The following LSM14B variants were observed in gnomAD, a reference collection of about 807,000 sequenced individuals.
LSM14B encodes LSM family member 14B.
Under a neutral mutation model 42.1 loss-of-function variants are expected in LSM14B, and 8 were observed. The ratio of observed to expected loss-of-function variants is 0.19; its 90% CI spans 0.11 to 0.34. The LOEUF is 0.34. LSM14B is among the 10% of genes least tolerant of loss of function. The probability of loss-of-function intolerance (pLI) is 1.00; values close to 1 mark genes in which losing one functional copy is unlikely to be tolerated. For missense variants in LSM14B, 396 were observed against 513.1 expected, an observed-to-expected ratio of 0.77 and a Z score of 2.21; for synonymous variants, 219 against 209.7, an observed-to-expected ratio of 1.04 and a Z score of -0.38.
chr20:62,128,901 T>C (rs2056683185), intron 3 of LSM14B: 1 of 1,254,098 alleles, frequency 8.0e-7, no homozygotes, highest in Non-Finnish European at 1.1e-6. Flanking sequence ...GCTGTTCGTC[T>C]AATAATAATT....
At chr20:62,126,617 C>T (rs1167277407) in intron 3 of LSM14B, among the ~76,000 whole-genome samples, 178 bp downstream of exon 3, 2 of 152,246 alleles carry the variant, frequency 1.3e-5, no homozygotes, top group Non-Finnish European at 2.9e-5. Flanking sequence ...TTAGTAACTA[C>T]TCAACTGAAA....
At chr20:62,133,499 G>A (rs746198355) in intron 8 of LSM14B, 24 bp downstream of exon 8, 11 of 1,599,928 alleles carry the variant, frequency 6.9e-6, no homozygotes, top group South Asian at 6.6e-5. Flanking sequence ...CCTTCTGGAC[G>A]CTTTGGTGGG....
chr20:62,129,010 G>A, intron 3 of LSM14B: 1 of 1,303,340 alleles, frequency 7.7e-7, no homozygotes, highest in Non-Finnish European at 1.0e-6. Flanking sequence ...CTGGAACCTT[G>A]GAAAGGGAGG....
chr20:62,129,701 T>C (rs1223844140), intron 3 of LSM14B, 84 bp from the exon 4 acceptor site: 2 of 1,394,710 alleles, frequency 1.4e-6, no homozygotes, highest in Admixed American at 2.6e-5. Context: ...CTTCCTGACA[T>C]GCCAGCAGAA....
At chr20:62,127,852 CTGAT>C in intron 3 of LSM14B, 1 of 722,584 alleles carries the variant, frequency 1.4e-6, no homozygotes, top group Non-Finnish European at 2.6e-6. Context: ...GCATGTAGTC[CTGAT>C]TGATGAACTC....
intron 8 of LSM14B, among the ~76,000 whole-genome samples, chr20:62,133,683 G>T (rs1016680568): frequency 5.3e-5 from 8 of 152,232 alleles, no homozygotes; most frequent in African/African-American, 1.9e-4. Context: ...TAGGATCCAG[G>T]CCCCAGCATC....
chr20:62,128,750 C>T (rs2056677731), intron 3 of LSM14B, among the ~76,000 whole-genome samples: 1 of 152,216 alleles, frequency 6.6e-6, no homozygotes, highest in Admixed American at 6.5e-5. Context: ...CTTTCCAGAC[C>T]TCTATGCAGA....
At chr20:62,133,985 G>A (rs1338772871) in intron 8 of LSM14B, among the ~76,000 whole-genome samples, 178 bp from the exon 9 acceptor site, 2 of 152,244 alleles carry the variant, frequency 1.3e-5, no homozygotes, top group African/African-American at 4.8e-5. Flanking sequence ...GCCACTAGCT[G>A]CGTCCCTGTC....
chr20:62,127,857 T>C, intron 3 of LSM14B: 1 of 720,470 alleles, frequency 1.4e-6, no homozygotes. Context: ...TAGTCCTGAT[T>C]GATGAACTCT....
intron 3 of LSM14B, chr20:62,127,516 C>A: frequency 1.8e-6 from 2 of 1,122,786 alleles, no homozygotes; most frequent in South Asian, 1.3e-5. Flanking sequence ...GCTTGCTAGA[C>A]ACAAGACAAG....
At chr20:62,132,746 A>AGGAGTGCTGGGTG (rs917414721) in intron 7 of LSM14B, among the ~76,000 whole-genome samples, 2 of 152,082 alleles carry the variant, frequency 1.3e-5, no homozygotes, top group Non-Finnish European at 2.9e-5. Flanking sequence ...CTGCGTCGGT[A>AGGAGTGCTGGGTG]GGAGTGCTGG....
chr20:62,128,170 C>T, intron 3 of LSM14B: 1 of 335,504 alleles, frequency 3.0e-6, no homozygotes. Context: ...GCCAGGTGGA[C>T]AGTATCAGCC....
rs2145652650 is a variant in LSM14B, at chr20:62,134,454, G to T, written c.*306G>T. On this transcript the variant is annotated 3_prime_UTR_variant, in exon 9 of 9. Coordinates refer to ENST00000279068, the MANE Select transcript of LSM14B (RefSeq NM_144703.3). ...TTGCAAAAAGGTTTCTATAGTGAAA[G>T]CTGAATCCTTACTTTGTGACTTTTT... 3.8e-6 allele frequency: 1 copy of T among 262,362 alleles called. No individual in the cohort carries two copies. The highest frequency in any genetic ancestry group is 7.9e-6 in the Non-Finnish European group (1 of 127,056). The allele number at this position is 262,362 out of a possible 1,614,324, so 16.3% of individuals were successfully genotyped here.
At chr20:62,124,833 T>C (rs1172519194) in intron 2 of LSM14B, 53 bp downstream of exon 2, 1 of 1,546,972 alleles carries the variant, frequency 6.5e-7, no homozygotes, top group African/African-American at 1.4e-5. Flanking sequence ...TGGTTTCCAT[T>C]TGGAGCTTGG....
Position 62,130,193 on chromosome 20 carries a change from C to G in LSM14B, c.596-26C>G. ...GCTTCCGGCTGCTATAGGAGCTTTGCCTTACTCTTCCCTTTTGCGCCGTAG... is the reference window on the plus strand; with the variant it reads ...GCTTCCGGCTGCTATAGGAGCTTTGGCTTACTCTTCCCTTTTGCGCCGTAG... On this transcript the variant is annotated intron_variant, in intron 4 of 8. Transcript: ENST00000279068. This position sits in a 1 kb window ranked among gnomAD's most constrained non-coding sequence, Gnocchi z 4.1. 1 of 1,574,504 alleles carries G rather than the reference C, an allele frequency of 6.4e-7. No individual in the cohort carries two copies. Among genetic ancestry groups the G allele is most frequent in the Non-Finnish European group, 8.6e-7 (1 of 1,160,396 alleles).
chr20:62,127,444 C>G, intron 3 of LSM14B: 1 of 642,700 alleles, frequency 1.6e-6, no homozygotes, highest in South Asian at 1.9e-5. Flanking sequence ...GCCCAGCTCT[C>G]TGGGTTTCTA....
intron 3 of LSM14B, among the ~76,000 whole-genome samples, chr20:62,127,094 T>G (rs1033037408): frequency 5.3e-5 from 8 of 152,230 alleles, no homozygotes; most frequent in African/African-American, 7.2e-5. Context: ...GTTTGCACAT[T>G]TATAAGCCTG....
In LSM14B at chr20:62,131,361, A is replaced by G; in HGVS notation, c.841A>G (p.Lys281Glu). The change falls in exon 7 of 9, where the codon AAG (lysine) becomes GAG (glutamate). Residue 281 changes from lysine to glutamate, a missense_variant. Coordinates refer to ENST00000279068, the MANE Select transcript of LSM14B (RefSeq NM_144703.3). ...FKKKLNFKDD[K>E]AEKGEEKDLA... ...TGTTCTGCTTCTTTTTGTAGATGAC[A>G]AGGCTGAGAAGGGGGAAGAGAAGGA... The G allele has an allele frequency of 6.3e-7, 1 of 1,594,956 alleles. No homozygotes were observed. The highest frequency in any genetic ancestry group is 1.1e-5 in the South Asian group (1 of 87,788).
In LSM14B at chr20:62,134,535, A is replaced by C. The variant is rs1405007095; in HGVS notation, c.*387A>C. 1 of 318,716 alleles carries C rather than the reference A, an allele frequency of 3.1e-6. No homozygotes were observed. Among genetic ancestry groups the C allele is most frequent in the Non-Finnish European group, 6.0e-6 (1 of 166,502 alleles). The allele number at this position is 318,716 out of a possible 1,614,324, so 19.7% of individuals were successfully genotyped here. On this transcript the variant is annotated 3_prime_UTR_variant, in exon 9 of 9. Transcript: ENST00000279068. ...TAAAAGTGGAACCAAATCTGTTGGC[A>C]GAGGTGGCAGCCAAGTACATCTCTG...
Sources: gnomAD v4.1 joint callset for allele counts (sites outside exome capture counted in the v4.1 genomes callset) on GRCh38, gnomAD v4.1.1 for gene constraint, Gnocchi (gnomAD v3.1) non-coding constraint, MANE v1.5 for transcripts, NCBI Gene and HGNC (gene_info 2026-07-23, HGNC 2026-07-21) for gene names.